The following KCNIP4 variants were observed in gnomAD, a reference collection of about 807,000 sequenced individuals.
The protein encoded by KCNIP4 is potassium voltage-gated channel interacting protein 4, also known as Kv channel-interacting protein 4.
Under a neutral mutation model 34.0 loss-of-function variants are expected in KCNIP4, and 12 were observed. The observed-to-expected ratio is 0.35, with a 90% CI of 0.23 to 0.57. KCNIP4 has a LOEUF of 0.57. Among genes scored for constraint, KCNIP4 ranks in the 20% least tolerant of loss-of-function variants. The pLI is 0.83. For missense variants in KCNIP4, 238 were observed against 311.7 expected (o/e 0.76, Z 1.78); for synonymous variants, 124 against 102.2 (o/e 1.21, Z -1.29).
chr4:21,394,822 C>G (rs187967727), intron 1 of KCNIP4, among the ~76,000 whole-genome samples: 10 of 152,204 alleles, frequency 6.6e-5, no homozygotes, highest in African/African-American at 2.4e-4. Flanking sequence ...CATTTTCACC[C>G]TGTAACTGAA....
chr4:21,499,837 C>T (rs1733165419), intron 1 of KCNIP4, among the ~76,000 whole-genome samples: 1 of 151,850 alleles, frequency 6.6e-6, no homozygotes, highest in South Asian at 2.1e-4. Context: ...ACCAATACTT[C>T]AAAAAGCTGA....
At chr4:21,418,658 G>A (rs1339689202) in intron 1 of KCNIP4, among the ~76,000 whole-genome samples, 3 of 152,082 alleles carry the variant, frequency 2.0e-5, no homozygotes, top group Non-Finnish European at 4.4e-5. Context: ...AAGAAAGAAG[G>A]TCTTTCCTCC....
rs1341676138 is a variant in KCNIP4 at position 20,864,093 on chromosome 4, TGTATAC to T, written c.164-13432_164-13427del. ...ATACGTATGTATGTATGTATATGCA[TGTATAC>T]GTATGTATGTATACATATCCATGTA... On this transcript the variant is annotated intron_variant, in intron 2 of 8. Coordinates refer to ENST00000382152, the MANE Select transcript of KCNIP4 (RefSeq NM_025221.6). 2.8e-3 allele frequency among the ~76,000 whole-genome samples: 417 copies of T among 150,532 alleles called. 3 individuals carry two copies. Among genetic ancestry groups the T allele is most frequent in the Non-Finnish European group, 4.7e-3 (312 of 66,912 alleles).
intron 1 of KCNIP4, among the ~76,000 whole-genome samples, chr4:21,839,313 G>A (rs1723540099): frequency 6.6e-6 from 1 of 152,026 alleles, no homozygotes. Flanking sequence ...TTGTATTAAG[G>A]TTCATGTGAT....
chr4:21,391,835 C>G (rs911122973), intron 1 of KCNIP4, among the ~76,000 whole-genome samples: 1 of 152,124 alleles, frequency 6.6e-6, no homozygotes, highest in African/African-American at 2.4e-5. Flanking sequence ...TTAATTCAAC[C>G]AGTACTGCTG....
intron 1 of KCNIP4, among the ~76,000 whole-genome samples, chr4:20,951,352 C>T (rs376403622): frequency 5.3e-5 from 8 of 152,162 alleles, no homozygotes; most frequent in African/African-American, 1.9e-4. Flanking sequence ...CACTGTTAAT[C>T]CAGGAAATTC....
chr4:20,731,797 T>G (rs1387599737), intron 8 of KCNIP4: 10 of 985,298 alleles, frequency 1.0e-5, no homozygotes, highest in Non-Finnish European at 1.2e-5. Context: ...CAGGGTTTCC[T>G]CCATAGCCTG....
At chr4:21,946,567 A>G (rs931234603) in intron 1 of KCNIP4, among the ~76,000 whole-genome samples, 1 of 152,216 alleles carries the variant, frequency 6.6e-6, no homozygotes, top group African/African-American at 2.4e-5. Context: ...ACTTATGCAT[A>G]TGTTTGGTGA....
At chr4:21,549,531 C>T (rs1200390239) in intron 1 of KCNIP4, among the ~76,000 whole-genome samples, 1 of 151,986 alleles carries the variant, frequency 6.6e-6, no homozygotes, top group Non-Finnish European at 1.5e-5. Flanking sequence ...ATAAAAGCTT[C>T]CTTAGGCCTC....
intron 1 of KCNIP4, among the ~76,000 whole-genome samples, chr4:20,936,296 C>G (rs1731051018): frequency 6.6e-6 from 1 of 152,116 alleles, no homozygotes; most frequent in South Asian, 2.1e-4. Flanking sequence ...ACCTTCAGCC[C>G]TTAGACTCAG....
chr4:20,745,299 T>A (rs1410212327), intron 5 of KCNIP4, among the ~76,000 whole-genome samples: 2 of 152,174 alleles, frequency 1.3e-5, no homozygotes, highest in African/African-American at 4.8e-5. Context: ...AATTCACATC[T>A]TCTTGAATAC....
chr4:21,834,738 A>G (rs912671514), intron 1 of KCNIP4, among the ~76,000 whole-genome samples: 20 of 151,742 alleles, frequency 1.3e-4, no homozygotes, highest in African/African-American at 4.8e-4. Context: ...TTTGTCATAG[A>G]TAGCTCTTAT....
intron 1 of KCNIP4, among the ~76,000 whole-genome samples, chr4:21,590,321 C>T (rs77930210): frequency 0.014 from 2,121 of 151,968 alleles, 28 homozygotes; most frequent in Middle Eastern, 0.027. Context: ...ATGGCATAGA[C>T]CTTATTTGGC....
chr4:20,836,404 C>A (rs1174360285), intron 3 of KCNIP4, among the ~76,000 whole-genome samples: 1 of 152,190 alleles, frequency 6.6e-6, no homozygotes, highest in African/African-American at 2.4e-5. Context: ...TTCAGAAAGG[C>A]CTGCTACATC....
chr4:21,840,039 A>G (rs1027565653), intron 1 of KCNIP4, among the ~76,000 whole-genome samples: 8 of 151,988 alleles, frequency 5.3e-5, no homozygotes, highest in African/African-American at 1.9e-4. Context: ...TGGCTTTTGT[A>G]GAAGCTTCTG....
chr4:21,763,130 T>C (rs1216250553), intron 1 of KCNIP4: 1 of 1,280,874 alleles, frequency 7.8e-7, no homozygotes, highest in African/African-American at 1.5e-5. Context: ...CAGACAATAA[T>C]TCCTTCACTG....
At chr4:21,737,678 C>T (rs1716085385) in intron 1 of KCNIP4, among the ~76,000 whole-genome samples, 1 of 152,076 alleles carries the variant, frequency 6.6e-6, no homozygotes, top group Non-Finnish European at 1.5e-5. Context: ...AGCTTAGGTC[C>T]CTGGTTCTGT....
At chr4:21,727,912 C>T (rs1715312882) in intron 1 of KCNIP4, among the ~76,000 whole-genome samples, 1 of 152,136 alleles carries the variant, frequency 6.6e-6, no homozygotes, top group African/African-American at 2.4e-5. Context: ...GCAGCCTACA[C>T]ACAAGCCACG....
chr4:20,981,851 G>A (rs1427770441), intron 1 of KCNIP4, among the ~76,000 whole-genome samples: 1 of 152,142 alleles, frequency 6.6e-6, no homozygotes, highest in Non-Finnish European at 1.5e-5. Flanking sequence ...ATCTCTATGT[G>A]TATGTTTGTG....
Sources: gnomAD v4.1 joint callset for allele counts (sites outside exome capture counted in the v4.1 genomes callset) on GRCh38, gnomAD v4.1.1 for gene constraint, MANE v1.5 for transcripts, NCBI Gene and HGNC (gene_info 2026-07-23, HGNC 2026-07-21) for gene names.